JAG2: variants seen among roughly 807,000 people sequenced by gnomAD.
The protein encoded by JAG2 is protein jagged-2.
A neutral mutation model predicts 141.7 loss-of-function variants in JAG2; 46 were observed. The observed-to-expected ratio is 0.32, with a 90% CI of 0.26 to 0.42. The LOEUF (loss-of-function observed/expected upper bound fraction) is 0.42, where lower values mean the gene tolerates loss of function less well. JAG2 is among the 10% of genes least tolerant of loss of function. The pLI is 1.00. For synonymous variants in JAG2, 862 were observed against 763.5 expected, an observed-to-expected ratio of 1.13 and a Z score of -2.13; for missense variants, 1,500 against 1,817.5, an observed-to-expected ratio of 0.83 and a Z score of 3.18.
At chr14:105,151,813 C>G (rs1265880061) in intron 7 of JAG2, 74 bp from the exon 8 acceptor site, 25 of 1,600,828 alleles carry the variant, frequency 1.6e-5, no homozygotes, top group Non-Finnish European at 2.1e-5. Context: ...TCCCCAAGCC[C>G]ACAGGTTCCC....
intron 2 of JAG2, among the ~76,000 whole-genome samples, chr14:105,159,764 C>A (rs1336302301): frequency 1.5e-5 from 1 of 68,010 alleles, no homozygotes; most frequent in Non-Finnish European, 2.8e-5. Flanking sequence ...CCATCCACAC[C>A]CCCCCAGAGT....
chr14:105,153,478 T>A (rs1263807498), intron 5 of JAG2, among the ~76,000 whole-genome samples: 1 of 152,186 alleles, frequency 6.6e-6, no homozygotes, highest in Non-Finnish European at 1.5e-5. Flanking sequence ...CCAGACCTCG[T>A]GGGTCCCAAG....
chr14:105,167,818 G>A lies in JAG2; in HGVS notation c.356C>T (p.Ala119Val). The A allele has an allele frequency of 1.4e-6, 2 of 1,468,738 alleles. No homozygotes were observed. Among genetic ancestry groups the A allele is most frequent in the South Asian group, 1.3e-5 (1 of 77,102 alleles). The allele number at this position is 1,468,738 out of a possible 1,614,324, so 91.0% of individuals were successfully genotyped here. Residue 119 changes from alanine to valine, a missense_variant, in exon 2 of 26, where the codon GCC (alanine) becomes GTC (valine). Physicochemically the swap from Ala to Val is moderately conservative, Grantham distance 64. Transcript: ENST00000331782. The surrounding 1 kb of genome is among the most constrained non-coding windows in gnomAD (Gnocchi z 4.8). ...GAAGDRARAR[A>V]RAGGDQDPGL... ...CGGGTCCTGGTCGCCGCCGGCCCGGGCCCGCGCCCGCGCTCGGTCCCCCGC... is the reference window on the plus strand; with the variant it reads ...CGGGTCCTGGTCGCCGCCGGCCCGGACCCGCGCCCGCGCTCGGTCCCCCGC...
At chr14:105,156,086 G>C in intron 3 of JAG2, 97 bp from the exon 4 acceptor site, 1 of 1,471,432 alleles carries the variant, frequency 6.8e-7, no homozygotes, top group Non-Finnish European at 9.2e-7. Flanking sequence ...TGCGGCTGCT[G>C]CAAGGCCGGG....
In JAG2 at chr14:105,144,967, C is replaced by T. The variant is rs749917276; in HGVS notation, c.3047G>A (p.Arg1016Gln). 3.3e-5 allele frequency: 53 copies of T among 1,605,410 alleles called. 1 individual carries two copies. Among genetic ancestry groups the T allele is most frequent in the Non-Finnish European group, 4.3e-5 (51 of 1,178,610 alleles). Residue 1016 changes from arginine (R) to glutamine (Q), a missense_variant, in exon 24 of 26, where the codon CGG becomes CAG. Transcript: ENST00000331782. Reference sequence around the variant, plus strand: ...CACAGCACTGGCCCCCGAGGACGCCCGGTCGCAAAGCAACACCAGCAGGCG... The same window carrying T: ...CACAGCACTGGCCCCCGAGGACGCCTGGTCGCAAAGCAACACCAGCAGGCG... ...RDRLLVLLCD[R>Q]ASSGASAVEV...
chr14:105,167,841 C>G lies in JAG2; in HGVS notation c.333G>C (p.Ala111=). 6.6e-7 allele frequency: 1 copy of G among 1,507,484 alleles called. No individual in the cohort carries two copies. Among genetic ancestry groups the G allele is most frequent in the African/African-American group, 1.4e-5 (1 of 69,158 alleles). The allele number at this position is 1,507,484 out of a possible 1,614,324, so 93.4% of individuals were successfully genotyped here. The change falls in exon 2 of 26, where the codon GCG becomes GCC. Residue 111 remains alanine (A), a synonymous_variant. Transcript: ENST00000331782. This position sits in a 1 kb window ranked among gnomAD's most constrained non-coding sequence, Gnocchi z 4.8. ...NSFYLPPAGA[A]GDRARARARA... ...GGGCCCGCGCCCGCGCTCGGTCCCC[C>G]GCAGCGCCCGCCGGCGGCAGGTAGA... is the stretch of plus-strand genomic sequence containing the variant.
chr14:105,147,082 C>G, intron 20 of JAG2: 1 of 610,042 alleles, frequency 1.6e-6, no homozygotes, highest in Non-Finnish European at 2.9e-6. Context: ...CGCTCCAACC[C>G]CCACAGCTCC....
intron 3 of JAG2, among the ~76,000 whole-genome samples, chr14:105,157,053 C>T (rs962381713): frequency 6.6e-6 from 1 of 152,168 alleles, no homozygotes; most frequent in Non-Finnish European, 1.5e-5. Context: ...CCCAGACTGC[C>T]CCTGGTCCAA....
At chr14:105,157,986 G>A (rs1003638332) in intron 2 of JAG2, among the ~76,000 whole-genome samples, 12 of 152,334 alleles carry the variant, frequency 7.9e-5, no homozygotes, top group African/African-American at 2.6e-4. Flanking sequence ...CAGGCCACGC[G>A]GGCTCAGGGG....
intron 22 of JAG2, 34 bp from the exon 23 acceptor site, chr14:105,146,007 G>A (rs1395576765): frequency 5.1e-6 from 8 of 1,582,458 alleles, no homozygotes; most frequent in Non-Finnish European, 6.8e-6. Context: ...TCAGGCGCAG[G>A]CGCACAGGAG....
At position 105,150,857 on chromosome 14, in the gene JAG2, C is replaced by T. The variant is rs1265988147; in HGVS notation, c.1428+8G>A. The T allele has an allele frequency of 4.4e-6, 7 of 1,583,166 alleles. No individual in the cohort carries two copies. The highest frequency in any genetic ancestry group is 1.3e-5 in the African/African-American group (1 of 74,258). On this transcript the variant is annotated splice_region_variant and intron_variant, in intron 11 of 25. Transcript: ENST00000331782. The stretch of plus-strand genomic sequence containing the variant: ...CCCACGCCACACACCCTCCTGGCCC[C>T]GCCTCACCTTGCAGGTGCCCCCATG...
chr14:105,150,204 C>G (rs1888379889), intron 12 of JAG2, among the ~76,000 whole-genome samples: 1 of 151,754 alleles, frequency 6.6e-6, no homozygotes, highest in Non-Finnish European at 1.5e-5. Context: ...GAGAGATGCC[C>G]ACTCCGACCC....
Position 105,151,356 on chromosome 14 carries a change from G to A in JAG2, c.1194C>T (p.Gly398=), listed in dbSNP as rs757025332. The part of the protein sequence containing the change: ...ECASNPCAAG[G]TCVDQVDGFE... ...AGCCGTCCACCTGGTCCACACAGGT[G>A]CCACCGGCCGCACACGGGTTCGAAG... Residue 398 remains glycine (G), a synonymous_variant, in exon 9 of 26, where the codon GGC becomes GGT. Coordinates refer to ENST00000331782, the MANE Select transcript of JAG2 (RefSeq NM_002226.5). 21 of 1,612,312 alleles carry A rather than the reference G, an allele frequency of 1.3e-5. No individual in the cohort carries two copies. In the East Asian group the frequency reaches 2.7e-4, roughly 21 times the overall value.
At chr14:105,153,499 C>T (rs894437426) in intron 5 of JAG2, among the ~76,000 whole-genome samples, 1 of 152,226 alleles carries the variant, frequency 6.6e-6, no homozygotes, top group Middle Eastern at 3.2e-3. Context: ...GGCGTGCTCT[C>T]GACCCTGGGC....
rs1335464985 is a variant in JAG2 at position 105,168,107 on chromosome 14, C to T, written c.67G>A (p.Ala23Thr). Residue 23 changes from alanine to threonine, a missense_variant and splice_region_variant, in exon 2 of 26, where the codon GCG becomes ACG. Physicochemically the swap from Ala to Thr is moderately conservative, Grantham distance 58. Coordinates refer to ENST00000331782, the MANE Select transcript of JAG2 (RefSeq NM_002226.5). ...LLLLLALWVQ[A>T]ARPMGYFELQ... ...TCGAAATAGCCCATGGGCCGCGCCG[C>T]CTAAAAATAAGGCAGCGGGAGAGCG... 6 of 1,547,304 alleles carry T rather than the reference C, an allele frequency of 3.9e-6. No homozygotes were observed. Among genetic ancestry groups the T allele is most frequent in the African/African-American group, 1.4e-5 (1 of 70,442 alleles).
intron 2 of JAG2, among the ~76,000 whole-genome samples, chr14:105,164,479 A>T (rs1267074524): frequency 6.6e-6 from 1 of 152,174 alleles, no homozygotes; most frequent in Non-Finnish European, 1.5e-5. Context: ...GGTGGTCCCC[A>T]GTGTGCAGAC....
intron 9 of JAG2, 52 bp downstream of exon 9, chr14:105,151,231 C>CAGCCCCT (rs1566763809): frequency 2.1e-5 from 14 of 669,422 alleles, no homozygotes; most frequent in Admixed American, 3.1e-5. Context: ...CAGCAGCCCC[C>CAGCCCCT]GCAGCCCGCA....
chr14:105,153,729 G>GC (rs913125105), intron 5 of JAG2, among the ~76,000 whole-genome samples: 1 of 152,184 alleles, frequency 6.6e-6, no homozygotes, highest in African/African-American at 2.4e-5. Flanking sequence ...CACCCACCAG[G>GC]CCCCCCAGAC....
Position 105,151,930 on chromosome 14 carries a change from C to T in JAG2, c.1039+8G>A, listed in dbSNP as rs759251373. On this transcript the variant is annotated splice_region_variant and intron_variant, in intron 7 of 25. Coordinates refer to ENST00000331782, the MANE Select transcript of JAG2 (RefSeq NM_002226.5). ...GGCCAGAATTTGGGTGGCCAGCCCCCCACGTACCCTTCTCACAGTTCCTGC... is the reference window on the plus strand; with the variant it reads ...GGCCAGAATTTGGGTGGCCAGCCCCTCACGTACCCTTCTCACAGTTCCTGC... 2.5e-6 allele frequency: 4 copies of T among 1,612,844 alleles called. No individual in the cohort carries two copies. In the Admixed American group the frequency reaches 5.0e-5, roughly 20 times the overall value.
Sources: allele counts gnomAD v4.1 joint callset (sites outside exome capture counted in the v4.1 genomes callset), GRCh38; gene constraint gnomAD v4.1.1; non-coding constraint Gnocchi (gnomAD v3.1); transcripts MANE v1.5; gene names NCBI Gene and HGNC (gene_info 2026-07-23, HGNC 2026-07-21).